ME3: variants seen among roughly 807,000 people sequenced by gnomAD.
ME3 encodes malic enzyme 3.
ME3 carries 48 observed loss-of-function variants against 68.9 expected under a neutral mutation model. The observed-to-expected ratio is 0.70, with a 90% CI of 0.55 to 0.89. The LOEUF (loss-of-function observed/expected upper bound fraction) is 0.89, where lower values mean the gene tolerates loss of function less well. ME3 is among the 40% of genes least tolerant of loss of function. ME3 has a pLI of 0.00. For synonymous variants in ME3, 320 were observed against 318.8 expected (o/e 1.00, Z -0.04); for missense variants, 675 against 797.4 (o/e 0.85, Z 1.85).
intron 2 of ME3, among the ~76,000 whole-genome samples, chr11:86,657,478 G>A (rs1945976879): frequency 6.6e-6 from 1 of 151,140 alleles, no homozygotes; most frequent in Admixed American, 6.6e-5. Flanking sequence ...GAGGGGGTGT[G>A]GGGCAAGGGG....
At chr11:86,466,394 C>T (rs557387754) in intron 7 of ME3, among the ~76,000 whole-genome samples, 1 of 152,284 alleles carries the variant, frequency 6.6e-6, no homozygotes, top group Non-Finnish European at 1.5e-5. Flanking sequence ...GAAAAAATGT[C>T]CTGATTGATC....
At chr11:86,521,570 A>T (rs1156557983) in intron 4 of ME3, among the ~76,000 whole-genome samples, 2 of 152,110 alleles carry the variant, frequency 1.3e-5, no homozygotes, top group South Asian at 2.1e-4. Flanking sequence ...TTCAGGTGGA[A>T]TTTAAGAAAT....
intron 2 of ME3, among the ~76,000 whole-genome samples, chr11:86,561,909 C>G (rs982145866): frequency 6.6e-6 from 1 of 152,086 alleles, no homozygotes; most frequent in African/African-American, 2.4e-5. Flanking sequence ...CTGGAATCCC[C>G]CAACCTATTA....
chr11:86,492,312 G>A (rs191068107), intron 6 of ME3, among the ~76,000 whole-genome samples: 1 of 152,346 alleles, frequency 6.6e-6, no homozygotes, highest in East Asian at 1.9e-4. Flanking sequence ...AGAGTCCTGG[G>A]ACTGGGCTAA....
At chr11:86,546,695 G>A (rs962226934) in intron 4 of ME3, among the ~76,000 whole-genome samples, 5 of 152,162 alleles carry the variant, frequency 3.3e-5, no homozygotes, top group African/African-American at 1.2e-4. Flanking sequence ...TGGAGAAATA[G>A]GAACGTTTTT....
At chr11:86,464,557 A>G (rs1950382000) in intron 8 of ME3, among the ~76,000 whole-genome samples, 2 of 152,314 alleles carry the variant, frequency 1.3e-5, no homozygotes, top group South Asian at 4.1e-4. Flanking sequence ...CAGAGAAGGA[A>G]TTGTCCTGAC....
At chr11:86,604,963 AC>A (rs1403496995) in intron 2 of ME3, among the ~76,000 whole-genome samples, 2 of 152,280 alleles carry the variant, frequency 1.3e-5, no homozygotes, top group African/African-American at 4.8e-5. Context: ...TATTTTTATT[AC>A]CCTAAAAAGA....
rs113628404 is a variant in ME3 at position 86,477,322 on chromosome 11, C to G, written c.809+10015G>C. 5.9e-3 allele frequency among the ~76,000 whole-genome samples: 895 copies of G among 150,742 alleles called. 7 individuals are homozygous for G. Among genetic ancestry groups the G allele is most frequent in the East Asian group, 0.011 (56 of 5,134 alleles). On this transcript the variant is annotated intron_variant, in intron 7 of 14. Coordinates refer to ENST00000543262, the Ensembl canonical transcript of ME3. ...CCCTTTCTTAGATGAGGTACTTGTA[C>G]TTTGTAAACTTCAGTTTCTTCATCT... is the stretch of plus-strand genomic sequence containing the variant.
At chr11:86,480,224 C>G (rs1951321869) in intron 7 of ME3, among the ~76,000 whole-genome samples, 1 of 152,196 alleles carries the variant, frequency 6.6e-6, no homozygotes, top group African/African-American at 2.4e-5. Flanking sequence ...CAGATACATG[C>G]TTTGTTAGTG....
chr11:86,539,906 T>TA (rs1204780217), intron 4 of ME3, among the ~76,000 whole-genome samples: 1 of 152,162 alleles, frequency 6.6e-6, no homozygotes, highest in Non-Finnish European at 1.5e-5. Flanking sequence ...TGATGAGCTT[T>TA]AAAACAAATC....
intron 14 of ME3, 45 bp from the exon 15 acceptor site, chr11:86,441,485 A>G (rs758746802): frequency 2.0e-6 from 3 of 1,522,424 alleles, no homozygotes; most frequent in South Asian, 1.4e-5. Flanking sequence ...CTAAGGGGAA[A>G]CCTGCTTAAG....
intron 2 of ME3, among the ~76,000 whole-genome samples, chr11:86,648,615 A>G (rs1945193493): frequency 6.6e-6 from 1 of 152,126 alleles, no homozygotes; most frequent in African/African-American, 2.4e-5. Flanking sequence ...CTTCTTTATT[A>G]ATCTAATAGA....
At chr11:86,638,771 A>G (rs2840368) in intron 2 of ME3, among the ~76,000 whole-genome samples, 17,241 of 152,240 alleles carry the variant, frequency 0.11, 1,465 homozygotes, top group East Asian at 0.4. Context: ...AAACTTCAGG[A>G]AAGATAGATC....
At chr11:86,478,431 A>G (rs1227587563) in intron 7 of ME3, among the ~76,000 whole-genome samples, 2 of 151,998 alleles carry the variant, frequency 1.3e-5, no homozygotes, top group Non-Finnish European at 1.5e-5. Flanking sequence ...TGAATTCTAC[A>G]GCCAGTAAGA....
At chr11:86,635,447 GT>G (rs1944274866) in intron 2 of ME3, among the ~76,000 whole-genome samples, 1 of 152,170 alleles carries the variant, frequency 6.6e-6, no homozygotes, top group African/African-American at 2.4e-5. Flanking sequence ...ATGGTATTTT[GT>G]TATGATAGCC....
downstream of ME3, among the ~76,000 whole-genome samples, chr11:86,439,215 T>C (rs1202776138): frequency 1.3e-5 from 2 of 152,198 alleles, no homozygotes; most frequent in African/African-American, 4.8e-5. Context: ...CTGGGCACCC[T>C]GTGGTGCCGT....
chr11:86,528,328 G>T (rs574153374), intron 4 of ME3, among the ~76,000 whole-genome samples: 1 of 152,118 alleles, frequency 6.6e-6, no homozygotes, highest in Non-Finnish European at 1.5e-5. Flanking sequence ...TATATGCACT[G>T]AATACAGGAG....
At chr11:86,525,992 A>G (rs113138713) in intron 4 of ME3, among the ~76,000 whole-genome samples, 8,086 of 152,280 alleles carry the variant, frequency 0.053, 291 homozygotes, top group Non-Finnish European at 0.081. Flanking sequence ...TACCGAGTTC[A>G]TCTCACTGGG....
At chr11:86,507,734 G>C (rs950690507) in intron 5 of ME3, among the ~76,000 whole-genome samples, 3 of 152,188 alleles carry the variant, frequency 2.0e-5, no homozygotes, top group Non-Finnish European at 4.4e-5. Context: ...TGTAATCCCA[G>C]AATTTTGGGA....
Sources: gnomAD v4.1 joint callset for allele counts (sites outside exome capture counted in the v4.1 genomes callset) on GRCh38, gnomAD v4.1.1 for gene constraint, MANE v1.5 for transcripts, NCBI Gene and HGNC (gene_info 2026-07-23, HGNC 2026-07-21) for gene names.